The following PPFIA2 variants were observed in gnomAD, a reference collection of about 807,000 sequenced individuals.
PPFIA2 encodes the protein liprin-alpha-2.
Under a neutral mutation model 175.5 loss-of-function variants are expected in PPFIA2, and 46 were observed. The ratio of observed to expected loss-of-function variants is 0.26; its 90% CI spans 0.21 to 0.34. The LOEUF (loss-of-function observed/expected upper bound fraction) is 0.34, where lower values mean the gene tolerates loss of function less well. Ranked by LOEUF, PPFIA2 falls within the 10% of genes least tolerant of loss-of-function variation. PPFIA2 has a pLI of 1.00. For missense variants in PPFIA2, 1,179 were observed against 1,506.1 expected (o/e 0.78, Z 3.60); for synonymous variants, 568 against 511.4 (o/e 1.11, Z -1.49).
At chr12:81,593,782 C>CTT (rs1214243711) in intron 4 of PPFIA2, among the ~76,000 whole-genome samples, 5 of 152,104 alleles carry the variant, frequency 3.3e-5, no homozygotes, top group Admixed American at 6.6e-5. Flanking sequence ...ATGCAAACAA[C>CTT]TTTTTTAGGA....
At chr12:81,500,589 C>T (rs112126736) in intron 4 of PPFIA2, among the ~76,000 whole-genome samples, 1 of 152,164 alleles carries the variant, frequency 6.6e-6, no homozygotes, top group Non-Finnish European at 1.5e-5. Flanking sequence ...AGAAATAGCC[C>T]AGTTTTTAAA....
intron 4 of PPFIA2, chr12:81,597,986 T>C: frequency 6.5e-7 from 1 of 1,535,244 alleles, no homozygotes; most frequent in Non-Finnish European, 8.7e-7. Context: ...ATTAGGAGGA[T>C]GCACTTTAGG....
intron 8 of PPFIA2, among the ~76,000 whole-genome samples, chr12:81,390,654 T>C (rs1232465504): frequency 6.6e-6 from 1 of 152,024 alleles, no homozygotes; most frequent in Admixed American, 6.6e-5. Context: ...TACATGAATT[T>C]TTTACATATA....
intron 13 of PPFIA2, 129 bp downstream of exon 13, chr12:81,368,596 A>C: frequency 1.0e-6 from 1 of 977,840 alleles, no homozygotes; most frequent in South Asian, 2.3e-5. Flanking sequence ...TTCCTTTCTA[A>C]GAATATACCA....
At chr12:81,449,097 A>G (rs939505576) in intron 5 of PPFIA2, among the ~76,000 whole-genome samples, 17 of 152,176 alleles carry the variant, frequency 1.1e-4, no homozygotes, top group Admixed American at 9.2e-4. Flanking sequence ...CACCTTGTAG[A>G]TATCAGCCTA....
chr12:81,581,022 A>G (rs778075692), intron 4 of PPFIA2, among the ~76,000 whole-genome samples: 15 of 151,872 alleles, frequency 9.9e-5, no homozygotes, highest in Non-Finnish European at 2.1e-4. Flanking sequence ...ACTGTGACAC[A>G]TTCATATATT....
intron 4 of PPFIA2, among the ~76,000 whole-genome samples, chr12:81,514,077 C>A (rs1175326940): frequency 4.0e-5 from 6 of 151,886 alleles, no homozygotes; most frequent in Non-Finnish European, 8.8e-5. Flanking sequence ...ATTGTTACAA[C>A]AGACAAAAAA....
chr12:81,625,762 T>C (rs1248055392), intron 4 of PPFIA2, among the ~76,000 whole-genome samples: 1 of 150,160 alleles, frequency 6.7e-6, no homozygotes, highest in African/African-American at 2.4e-5. Context: ...CCTCCAACAT[T>C]TTTCTAAACA....
chr12:81,533,385 C>T (rs777047692), intron 4 of PPFIA2, among the ~76,000 whole-genome samples: 63 of 151,606 alleles, frequency 4.2e-4, no homozygotes, highest in Non-Finnish European at 8.0e-4. Flanking sequence ...ATATTCAATG[C>T]CTTTCTTATC....
chr12:81,625,411 T>C (rs920936030), intron 4 of PPFIA2, among the ~76,000 whole-genome samples: 1 of 151,840 alleles, frequency 6.6e-6, no homozygotes, highest in African/African-American at 2.4e-5. Context: ...AAGGAGGAAT[T>C]TTCACAAGAC....
At chr12:81,388,570 T>C (rs2039464919) in intron 8 of PPFIA2, among the ~76,000 whole-genome samples, 2 of 152,042 alleles carry the variant, frequency 1.3e-5, no homozygotes, top group African/African-American at 4.8e-5. Flanking sequence ...TTCTTTATCT[T>C]GATTTGGGTG....
intron 4 of PPFIA2, among the ~76,000 whole-genome samples, chr12:81,474,768 T>C (rs2057270319): frequency 6.6e-6 from 1 of 152,198 alleles, no homozygotes; most frequent in Non-Finnish European, 1.5e-5. Flanking sequence ...TATTTCTAAA[T>C]GTTTTTCCAT....
At chr12:81,328,818 C>CTTTT (rs533036607) in intron 21 of PPFIA2, among the ~76,000 whole-genome samples, 2 of 134,654 alleles carry the variant, frequency 1.5e-5, no homozygotes, top group Non-Finnish European at 3.1e-5. Context: ...TTCTTTCTTT[C>CTTTT]TTTTTTTTTT....
chr12:81,317,985 G>A (rs116358965), intron 22 of PPFIA2, among the ~76,000 whole-genome samples: 2 of 151,710 alleles, frequency 1.3e-5, no homozygotes, highest in African/African-American at 4.8e-5. Context: ...TTTCAAAGTG[G>A]TCAATTCTTT....
chr12:81,668,968 C>G (rs2070887255), intron 4 of PPFIA2, among the ~76,000 whole-genome samples: 1 of 152,066 alleles, frequency 6.6e-6, no homozygotes, highest in African/African-American at 2.4e-5. Flanking sequence ...TTATTAAATA[C>G]TTATTGAAGG....
At chr12:81,360,448 C>A (rs759764244) in intron 15 of PPFIA2, among the ~76,000 whole-genome samples, 5 of 151,768 alleles carry the variant, frequency 3.3e-5, no homozygotes, top group Non-Finnish European at 7.4e-5. Flanking sequence ...CATCGCTCTG[C>A]TTCCTGGAGT....
At chr12:81,626,117 C>G (rs1205942206) in intron 4 of PPFIA2, among the ~76,000 whole-genome samples, 1 of 151,140 alleles carries the variant, frequency 6.6e-6, no homozygotes, top group Admixed American at 6.6e-5. Flanking sequence ...TTCAAGTTAT[C>G]AATTCATGCT....
chr12:81,732,446 G>C (rs1263449720), intron 3 of PPFIA2, among the ~76,000 whole-genome samples: 1 of 149,286 alleles, frequency 6.7e-6, no homozygotes, highest in Non-Finnish European at 1.5e-5. Context: ...TTATATGTTG[G>C]ACCAGAAGAT....
chr12:81,376,039 C>T, intron 9 of PPFIA2, 97 bp from the exon 10 acceptor site: 3 of 1,156,922 alleles, frequency 2.6e-6, no homozygotes, highest in Non-Finnish European at 3.7e-6. Flanking sequence ...AAAACTATTG[C>T]ATTCTTGAAG....
Sources: allele counts gnomAD v4.1 joint callset (sites outside exome capture counted in the v4.1 genomes callset), GRCh38; gene constraint gnomAD v4.1.1; transcripts MANE v1.5; gene names NCBI Gene and HGNC (gene_info 2026-07-23, HGNC 2026-07-21).